Variants in ST6GALNAC3 observed in about 807,000 individuals in gnomAD.
ST6GALNAC3 encodes the protein alpha-N-acetylgalactosaminide alpha-2,6-sialyltransferase 3.
ST6GALNAC3 carries 25 observed loss-of-function variants against 32.7 expected under a neutral mutation model. The observed-to-expected ratio is 0.76, with a 90% confidence interval of 0.56 to 1.07. The LOEUF is 1.07. Ranked by LOEUF, ST6GALNAC3 falls within the 50% of genes least tolerant of loss-of-function variation. The probability of loss-of-function intolerance (pLI) is 0.00; values close to 1 mark genes in which losing one functional copy is unlikely to be tolerated. For synonymous variants in ST6GALNAC3, 129 were observed against 133.1 expected (o/e 0.97, Z 0.21); for missense variants, 355 against 382.4 (o/e 0.93, Z 0.60).
At position 76,160,536 on chromosome 1, in the gene ST6GALNAC3, T is replaced by A. The variant is rs550776759; in HGVS notation, c.18+85652T>A. The stretch of plus-strand genomic sequence containing the variant: ...GAAGAAAGAGGTGTCACAAGGGTCA[T>A]TAAAATCCCACTGGTGTGCCTGTTG... On this transcript the variant is annotated intron_variant, in intron 1 of 4. Coordinates refer to ENST00000328299, the MANE Select transcript of ST6GALNAC3 (RefSeq NM_152996.4). 3.9e-5 allele frequency among the ~76,000 whole-genome samples: 6 copies of A among 152,330 alleles called. No individual in the cohort carries two copies. The South Asian group carries it at 1.2e-3, about 32-fold the overall frequency.
chr1:76,484,775 G>A (rs1444807866), intron 3 of ST6GALNAC3, among the ~76,000 whole-genome samples: 3 of 152,182 alleles, frequency 2.0e-5, no homozygotes, highest in East Asian at 1.9e-4. Flanking sequence ...TAGGAGTGGT[G>A]AGAGACGCAT....
intron 2 of ST6GALNAC3, among the ~76,000 whole-genome samples, chr1:76,393,497 A>C (rs1365453752): frequency 6.6e-6 from 1 of 152,140 alleles, no homozygotes; most frequent in Non-Finnish European, 1.5e-5. Context: ...TGCATTTGAC[A>C]TTTTACCTCC....
chr1:76,518,552 TAAATACAGTATGTAAACTTACAATTTCC>T (rs1662312956), intron 3 of ST6GALNAC3, among the ~76,000 whole-genome samples: 1 of 152,160 alleles, frequency 6.6e-6, no homozygotes, highest in Non-Finnish European at 1.5e-5. Flanking sequence ...CGTGTTTGTT[TAAATACAGTATGTAAACTTACAATTTCC>T]AATTCTATGT....
intron 3 of ST6GALNAC3, among the ~76,000 whole-genome samples, chr1:76,601,934 G>A (rs1441265562): frequency 1.3e-5 from 2 of 152,166 alleles, no homozygotes; most frequent in East Asian, 1.9e-4. Flanking sequence ...CCTGGATGGC[G>A]AGGAAGGTAT....
chr1:76,632,847 A>C lies in ST6GALNAC3; in HGVS notation c.*4041A>C, dbSNP rs1649366750. ...CATCTAGCCTTTAATGTGACATGTC[A>C]AATGCAAATAATAAATTATGTTATT... On this transcript the variant is annotated 3_prime_UTR_variant, in exon 5 of 5. Coordinates refer to ENST00000328299, the MANE Select transcript of ST6GALNAC3 (RefSeq NM_152996.4). 6.6e-6 allele frequency: 1 copy of C among 152,166 alleles called. No individual in the cohort carries two copies. The highest frequency in any genetic ancestry group is 1.5e-5 in the Non-Finnish European group (1 of 68,016). 9.4% of individuals were successfully genotyped at this position (152,166 alleles called of 1,614,324 possible).
At chr1:76,244,761 G>T (rs955891689) in intron 1 of ST6GALNAC3, among the ~76,000 whole-genome samples, 1 of 152,160 alleles carries the variant, frequency 6.6e-6, no homozygotes, top group African/African-American at 2.4e-5. Context: ...ATTAGCGCAT[G>T]TTGAACCATC....
intron 1 of ST6GALNAC3, among the ~76,000 whole-genome samples, chr1:76,284,232 A>G (rs1659655640): frequency 6.6e-6 from 1 of 152,252 alleles, no homozygotes; most frequent in Non-Finnish European, 1.5e-5. Context: ...AGGATCAGAG[A>G]GGGAAATCCA....
rs548038554 is a variant in ST6GALNAC3 at position 76,446,385 on chromosome 1, G to A, written c.623+33968G>A. On this transcript the variant is annotated intron_variant, in intron 3 of 4. Transcript: ENST00000328299. ...TATGTGAGCATGTACTCTTGGTGGT[G>A]TACTTCTTAAGGATCTGGACAAATG... Among the ~76,000 whole-genome samples, 7 of 152,186 alleles carry A rather than the reference G, an allele frequency of 4.6e-5. No individual in the cohort carries two copies. The East Asian group carries it at 1.4e-3, about 29-fold the overall frequency.
At chr1:76,092,537 C>T (rs1031341726) in intron 1 of ST6GALNAC3, among the ~76,000 whole-genome samples, 30 of 152,110 alleles carry the variant, frequency 2.0e-4, no homozygotes, top group African/African-American at 6.3e-4. Flanking sequence ...AAAATGGGTG[C>T]TATTATTGTG....
chr1:76,462,246 A>C (rs923078537), intron 3 of ST6GALNAC3, among the ~76,000 whole-genome samples: 2 of 152,064 alleles, frequency 1.3e-5, no homozygotes, highest in African/African-American at 4.8e-5. Flanking sequence ...AAAAAAAAAA[A>C]ATGTGTACAT....
intron 1 of ST6GALNAC3, among the ~76,000 whole-genome samples, chr1:76,141,910 G>A (rs1029502166): frequency 3.3e-5 from 5 of 152,144 alleles, no homozygotes; most frequent in African/African-American, 1.2e-4. Flanking sequence ...CAATATACAC[G>A]TGAAGACAGG....
At chr1:76,635,075 A>T (rs1649471684), downstream of ST6GALNAC3, among the ~76,000 whole-genome samples, 1 of 152,180 alleles carries the variant, frequency 6.6e-6, no homozygotes, top group Non-Finnish European at 1.5e-5. Flanking sequence ...TGTCCATATT[A>T]ACTATCTGAT....
intron 1 of ST6GALNAC3, among the ~76,000 whole-genome samples, chr1:76,150,624 T>G (rs1173712660): frequency 6.6e-6 from 1 of 152,190 alleles, no homozygotes; most frequent in Admixed American, 6.5e-5. Flanking sequence ...CTAGATTCCC[T>G]CTGAGCATGG....
chr1:76,094,205 C>G (rs1156686866), intron 1 of ST6GALNAC3, among the ~76,000 whole-genome samples: 1 of 151,936 alleles, frequency 6.6e-6, no homozygotes, highest in Non-Finnish European at 1.5e-5. Flanking sequence ...ACAGAGTGTT[C>G]ATCTATGGAG....
chr1:76,234,619 G>A (rs1311898566), intron 1 of ST6GALNAC3, among the ~76,000 whole-genome samples: 3 of 152,178 alleles, frequency 2.0e-5, no homozygotes, highest in African/African-American at 7.2e-5. Context: ...CTCTACACCT[G>A]AATTTCTCCA....
At chr1:76,195,352 G>T (rs986236160) in intron 1 of ST6GALNAC3, among the ~76,000 whole-genome samples, 12 of 152,238 alleles carry the variant, frequency 7.9e-5, no homozygotes, top group Middle Eastern at 3.4e-3. Flanking sequence ...GCTTTTCCTT[G>T]TGACAACCAC....
chr1:76,633,264 G>C lies in ST6GALNAC3; in HGVS notation c.*4458G>C, dbSNP rs746020194. On this transcript the variant is annotated 3_prime_UTR_variant, in exon 5 of 5. Coordinates refer to ENST00000328299, the MANE Select transcript of ST6GALNAC3 (RefSeq NM_152996.4). Reference sequence around the variant, plus strand: ...GTAGCTGGAAAAAGAATGCCTAACTGATTTACTAAAGAGTCTATTCATGGA... The same window carrying C: ...GTAGCTGGAAAAAGAATGCCTAACTCATTTACTAAAGAGTCTATTCATGGA... The C allele has an allele frequency of 6.6e-5, 10 of 152,154 alleles. No homozygotes were observed. The highest frequency in any genetic ancestry group is 1.2e-4 in the Non-Finnish European group (8 of 68,038). 9.4% of individuals were successfully genotyped at this position (152,154 alleles called of 1,614,324 possible).
chr1:76,402,136 C>A lies in ST6GALNAC3; in HGVS notation c.214-9872C>A, dbSNP rs184907331. On this transcript the variant is annotated intron_variant, in intron 2 of 4. Coordinates refer to ENST00000328299, the MANE Select transcript of ST6GALNAC3 (RefSeq NM_152996.4). ...AAGTTCTCATGATGGTACTTTTTAA[C>A]AATAATGAAGTTGAATATCTTCTGT... 3.0e-4 allele frequency among the ~76,000 whole-genome samples: 46 copies of A among 152,152 alleles called. 1 individual carries two copies.
chr1:76,425,263 C>G (rs1655292261), intron 3 of ST6GALNAC3, among the ~76,000 whole-genome samples: 1 of 151,924 alleles, frequency 6.6e-6, no homozygotes, highest in Admixed American at 6.6e-5. Flanking sequence ...AGCGCCTATG[C>G]AAATAGGGGC....
Sources: allele counts gnomAD v4.1 joint callset (sites outside exome capture counted in the v4.1 genomes callset), GRCh38; gene constraint gnomAD v4.1.1; transcripts MANE v1.5; gene names NCBI Gene and HGNC (gene_info 2026-07-23, HGNC 2026-07-21).